The following DACH2 variants were observed in gnomAD, a reference collection of about 807,000 sequenced individuals.
DACH2 encodes dachshund homolog 2.
A neutral mutation model predicts 35.8 loss-of-function variants in DACH2; 17 were observed. The observed-to-expected ratio is 0.48, with a 90% CI of 0.33 to 0.71. The LOEUF is 0.71. Among genes scored for constraint, DACH2 ranks in the 30% least tolerant of loss-of-function variants. The pLI, the probability that DACH2 is intolerant of heterozygous loss-of-function variation, is 0.02. For synonymous variants in DACH2, 195 were observed against 177.3 expected (o/e 1.10, Z -0.79); for missense variants, 469 against 472.7 (o/e 0.99, Z 0.07).
Position 86,787,978 on chromosome X carries a change from G to T in DACH2, c.1241-24878G>T, listed in dbSNP as rs1191397314. Among the ~76,000 whole-genome samples, 10 of 111,215 alleles carry T rather than the reference G, an allele frequency of 9.0e-5. No individual in the cohort carries two copies. In the Admixed American group the frequency reaches 9.6e-4, roughly 11 times the overall value. ...AGCGGGCAACTTGAGAGATTCGAGT[G>T]CACTACTTGACCTTTTGACTTGGGG... On this transcript the variant is annotated intron_variant, in intron 7 of 11. Coordinates refer to ENST00000373125, the MANE Select transcript of DACH2 (RefSeq NM_053281.3).
At chrX:86,224,344 G>C (rs781123769) in intron 1 of DACH2, among the ~76,000 whole-genome samples, 1 of 111,732 alleles carries the variant, frequency 8.9e-6, no homozygotes, top group African/African-American at 3.2e-5. Flanking sequence ...GTGTTGGCTA[G>C]TGTGTCCACT....
chrX:86,618,864 G>T (rs943911797), intron 3 of DACH2, among the ~76,000 whole-genome samples: 2 of 111,798 alleles, frequency 1.8e-5, no homozygotes, highest in African/African-American at 3.2e-5. Flanking sequence ...GAAGGAAGAA[G>T]AATTTATACT....
At chrX:86,487,968 G>C in intron 2 of DACH2, among the ~76,000 whole-genome samples, 1 of 110,900 alleles carries the variant, frequency 9.0e-6, no homozygotes, top group Admixed American at 9.7e-5. Flanking sequence ...GTGAGCCTTA[G>C]TTTTCTATAA....
intron 3 of DACH2, among the ~76,000 whole-genome samples, chrX:86,607,645 C>A (rs2039876140): frequency 1.9e-5 from 2 of 107,890 alleles, no homozygotes; most frequent in Admixed American, 2.0e-4. Flanking sequence ...TCACAATGTG[C>A]AGGTTAGTTA....
intron 2 of DACH2, among the ~76,000 whole-genome samples, chrX:86,382,416 A>G: frequency 9.2e-6 from 1 of 108,249 alleles, no homozygotes. Context: ...ATCAGTAGAA[A>G]CTGATTTTGT....
At chrX:86,274,511 T>G (rs1446141143) in intron 1 of DACH2, among the ~76,000 whole-genome samples, 1 of 2,057 alleles carries the variant, frequency 4.9e-4, no homozygotes, top group Non-Finnish European at 6.8e-4. Flanking sequence ...TTTTTTTTTT[T>G]TTGAGACGGA....
At chrX:86,662,848 C>A (rs1482005670) in intron 4 of DACH2, among the ~76,000 whole-genome samples, 2 of 110,939 alleles carry the variant, frequency 1.8e-5, no homozygotes, top group Non-Finnish European at 3.8e-5. Flanking sequence ...AAATAAGACC[C>A]CTTTCAAAGG....
At chrX:86,553,137 C>G (rs1377939993) in intron 3 of DACH2, among the ~76,000 whole-genome samples, 1 of 110,983 alleles carries the variant, frequency 9.0e-6, no homozygotes, top group African/African-American at 3.3e-5. Context: ...AGCCCGCATC[C>G]CAAAATCTCA....
At chrX:86,783,927 G>T (rs762942093) in intron 7 of DACH2, among the ~76,000 whole-genome samples, 2 of 110,851 alleles carry the variant, frequency 1.8e-5, no homozygotes, top group South Asian at 7.6e-4. Flanking sequence ...CCTACTATTT[G>T]ATAGCACAAC....
rs149354346 is a variant in DACH2 at position 86,250,285 on chromosome X, A to G, written c.488+101177A>G. ...CATCCTTGGCCAAGGAATTAACGTA[A>G]TTGGGAAGATTTGAGATTATCAAAG... On this transcript the variant is annotated intron_variant, in intron 1 of 11. Transcript: ENST00000373125. Among the ~76,000 whole-genome samples the G allele has an allele frequency of 2.1e-3, 232 of 111,555 alleles. 1 individual carries two copies. The highest frequency in any genetic ancestry group is 7.3e-3 in the African/African-American group (226 of 30,862).
At chrX:86,570,514 C>T (rs2039352322) in intron 3 of DACH2, among the ~76,000 whole-genome samples, 1 of 111,053 alleles carries the variant, frequency 9.0e-6, no homozygotes, top group East Asian at 2.9e-4. Context: ...CACCTGTTCT[C>T]ACTTATAAAT....
At chrX:86,443,050 C>G (rs1385544892) in intron 2 of DACH2, among the ~76,000 whole-genome samples, 1 of 111,550 alleles carries the variant, frequency 9.0e-6, no homozygotes, top group African/African-American at 3.3e-5. Flanking sequence ...CTTGCTTTGG[C>G]TATTTGGGGT....
intron 2 of DACH2, among the ~76,000 whole-genome samples, chrX:86,451,429 G>T (rs1194825460): frequency 1.8e-5 from 2 of 111,267 alleles, no homozygotes; most frequent in Non-Finnish European, 3.8e-5. Context: ...GTCATTTCTT[G>T]TACTAGTGCC....
At chrX:86,275,407 C>T (rs1330485696) in intron 1 of DACH2, among the ~76,000 whole-genome samples, 1 of 110,765 alleles carries the variant, frequency 9.0e-6, no homozygotes, top group Non-Finnish European at 1.9e-5. Context: ...TAAAGTTTTT[C>T]ATTTTAATTT....
At chrX:86,320,324 A>C (rs990392908) in intron 1 of DACH2, among the ~76,000 whole-genome samples, 3 of 112,449 alleles carry the variant, frequency 2.7e-5, no homozygotes, top group Non-Finnish European at 3.7e-5. Flanking sequence ...CTCTTTAAGA[A>C]AATCCTTTTT....
chrX:86,667,495 GAAAGAGAA>G (rs1214941239), intron 4 of DACH2, among the ~76,000 whole-genome samples: 1 of 64,146 alleles, frequency 1.6e-5, no homozygotes, highest in Non-Finnish European at 2.7e-5. Context: ...AGGAAAGAAA[GAAAGAGAA>G]AGAAAGAAAG....
chrX:86,220,191 A>T (rs1322680170), intron 1 of DACH2, among the ~76,000 whole-genome samples: 1 of 94,878 alleles, frequency 1.1e-5, no homozygotes, highest in East Asian at 3.3e-4. Flanking sequence ...AAAAAAAAAA[A>T]TTTCCCTCCC....
intron 4 of DACH2, among the ~76,000 whole-genome samples, chrX:86,663,801 T>C (rs1055015817): frequency 2.7e-5 from 3 of 111,504 alleles, no homozygotes; most frequent in Non-Finnish European, 5.7e-5. Context: ...ACCAGGTCTC[T>C]TTTTTTTCTA....
intron 1 of DACH2, among the ~76,000 whole-genome samples, chrX:86,187,738 T>A (rs2147889214): frequency 9.0e-6 from 1 of 111,403 alleles, no homozygotes; most frequent in East Asian, 2.8e-4. Flanking sequence ...GACTTAGATT[T>A]TATTTTTTTA....
Sources: allele counts gnomAD v4.1 joint callset (sites outside exome capture counted in the v4.1 genomes callset), GRCh38; gene constraint gnomAD v4.1.1; transcripts MANE v1.5; gene names NCBI Gene and HGNC (gene_info 2026-07-23, HGNC 2026-07-21).